ICAM1: variants seen among roughly 807,000 people sequenced by gnomAD.
ICAM1 encodes the protein intercellular adhesion molecule 1, also known as ICAM-1.
A neutral mutation model predicts 42.3 loss-of-function variants in ICAM1; 28 were observed. That is an observed-to-expected ratio of 0.66 (90% CI 0.49 to 0.91). The LOEUF (loss-of-function observed/expected upper bound fraction) is 0.91. Ranked by LOEUF, ICAM1 falls within the 40% of genes least tolerant of loss-of-function variation. The pLI is 0.00. For missense variants in ICAM1, 637 were observed against 688.6 expected (o/e 0.93, Z 0.84); for synonymous variants, 304 against 305.9 (o/e 0.99, Z 0.07).
chr19:10,274,608 C>T (rs913878133), intron 1 of ICAM1, among the ~76,000 whole-genome samples, 157 bp from the exon 2 acceptor site: 3 of 152,194 alleles, frequency 2.0e-5, no homozygotes, highest in Non-Finnish European at 2.9e-5. Flanking sequence ...AGCCACCACA[C>T]CCGGCCTGCT....
chr19:10,284,805 G>C lies in ICAM1; in HGVS notation c.1203G>C (p.Arg401Ser). ...CAGATGGCCCCCGACTGGACGAGAG[G>C]GATTGTCCGGGAAACTGGACGTGGC... ...RVLYGPRLDERDCPGNWTWPE... is the reference protein window; with the variant it reads ...RVLYGPRLDESDCPGNWTWPE... Residue 401 changes from arginine (R) to serine (S), a missense_variant, in exon 6 of 7, where the codon AGG becomes AGC. Coordinates refer to ENST00000264832, the MANE Select transcript of ICAM1 (RefSeq NM_000201.3). The surrounding 1 kb of genome is among the most constrained non-coding windows in gnomAD (Gnocchi z 5.4). The C allele has an allele frequency of 6.2e-7, 1 of 1,603,322 alleles. No homozygotes were observed. The highest frequency in any genetic ancestry group is 8.5e-7 in the Non-Finnish European group (1 of 1,177,232).
intron 2 of ICAM1, chr19:10,282,481 C>T (rs991351096): frequency 6.6e-6 from 1 of 152,022 alleles, no homozygotes; most frequent in East Asian, 1.9e-4. Context: ...CTCCTGACTT[C>T]GTGGATCCAC....
Position 10,274,678 on chromosome 19 carries a change from C to T in ICAM1, c.68-87C>T, listed in dbSNP as rs2040004275. ...AAAGTATTGTCTTGTTAAGGCTGTG[C>T]CTCCAGCACCCAGCACAGGCTGGGC... On this transcript the variant is annotated intron_variant, in intron 1 of 6. Coordinates refer to ENST00000264832, the MANE Select transcript of ICAM1 (RefSeq NM_000201.3). The T allele has an allele frequency of 1.9e-5, 28 of 1,442,282 alleles. No individual in the cohort carries two copies. In the South Asian group the frequency reaches 3.6e-4, roughly 19 times the overall value. 89.3% of individuals were successfully genotyped at this position (1,442,282 alleles called of 1,614,324 possible).
At chr19:10,275,318 G>A (rs111445644) in intron 2 of ICAM1, among the ~76,000 whole-genome samples, 1 of 152,136 alleles carries the variant, frequency 6.6e-6, no homozygotes, top group Non-Finnish European at 1.5e-5. Context: ...CCAACATGGC[G>A]AAACCCTGTC....
intron 2 of ICAM1, among the ~76,000 whole-genome samples, chr19:10,277,918 G>C (rs2040028968): frequency 6.6e-6 from 1 of 152,200 alleles, no homozygotes; most frequent in African/African-American, 2.4e-5. Context: ...CACTGGGCAG[G>C]CTAGGCACGT....
At chr19:10,278,838 G>A (rs947796145) in intron 2 of ICAM1, among the ~76,000 whole-genome samples, 7 of 151,802 alleles carry the variant, frequency 4.6e-5, no homozygotes, top group African/African-American at 1.7e-4. Context: ...CACCACGCGC[G>A]GCTCTGCCTG....
At chr19:10,275,794 G>A (rs1010416244) in intron 2 of ICAM1, among the ~76,000 whole-genome samples, 5 of 140,216 alleles carry the variant, frequency 3.6e-5, no homozygotes, top group East Asian at 2.2e-4. Context: ...TGCAAGCTCC[G>A]CCTCCCGGGT....
intron 2 of ICAM1, among the ~76,000 whole-genome samples, chr19:10,279,249 G>A (rs2040038547): frequency 6.6e-6 from 1 of 152,074 alleles, no homozygotes; most frequent in South Asian, 2.1e-4. Flanking sequence ...GGAGGAGGAG[G>A]TAGGTTGGTG....
At chr19:10,281,177 C>T (rs1469022913) in intron 2 of ICAM1, among the ~76,000 whole-genome samples, 2 of 152,008 alleles carry the variant, frequency 1.3e-5, no homozygotes, top group Non-Finnish European at 2.9e-5. Context: ...CTGGCCTGGC[C>T]AGGCTGGTCT....
rs377028532 is a variant in ICAM1 at position 10,283,565 on chromosome 19, G to A, written c.416G>A (p.Gly139Asp). 1.2e-6 allele frequency: 2 copies of A among 1,613,296 alleles called. No individual in the cohort carries two copies. Among genetic ancestry groups the A allele is most frequent in the African/African-American group, 2.7e-5 (2 of 74,928 alleles). The change falls in exon 3 of 7, where the codon GGT (glycine) becomes GAT (aspartate). Residue 139 changes from glycine to aspartate, a missense_variant. Gly to Asp is a moderately conservative substitution (Grantham distance 94). Transcript: ENST00000264832. The part of the protein sequence containing the change: ...KNLTLRCQVE[G>D]GAPRANLTVV... ...CTTACCCTACGCTGCCAGGTGGAGG[G>A]TGGGGCACCCCGGGCCAACCTCACC... is the stretch of plus-strand genomic sequence containing the variant.
intron 2 of ICAM1, 87 bp downstream of exon 2, chr19:10,275,115 T>C (rs2040007577): frequency 4.3e-6 from 6 of 1,394,912 alleles, no homozygotes; most frequent in Non-Finnish European, 5.9e-6. Context: ...GGGGAATCTT[T>C]GCCACTTGCT....
chr19:10,284,267 C>T lies in ICAM1; in HGVS notation c.872C>T (p.Ala291Val). 6.2e-7 allele frequency: 1 copy of T among 1,613,910 alleles called. No homozygotes were observed. The highest frequency in any genetic ancestry group is 2.2e-5 in the East Asian group (1 of 44,878). ...EDEGTQRLTC[A>V]VILGNQSQET... is the part of the protein sequence containing the mutation. ...GAGGGCACCCAGCGGCTGACGTGTG[C>T]AGTAATACTGGGGAACCAGAGCCAG... The change falls in exon 4 of 7, where the codon GCA becomes GTA. Residue 291 changes from alanine (A) to valine (V), a missense_variant. Physicochemically the swap from Ala to Val is moderately conservative, Grantham distance 64 (BLOSUM62 0). Transcript: ENST00000264832. This position sits in a 1 kb window ranked among gnomAD's most constrained non-coding sequence, Gnocchi z 5.4.
At chr19:10,283,181 G>A in intron 2 of ICAM1, 1 of 291,958 alleles carries the variant, frequency 3.4e-6, no homozygotes, top group Non-Finnish European at 6.4e-6. Flanking sequence ...GCCCAGTCTA[G>A]TGCACTGGGC....
chr19:10,282,701 TG>T (rs60733766), intron 2 of ICAM1, among the ~76,000 whole-genome samples: 24,781 of 149,720 alleles, frequency 0.17, 2,537 homozygotes, highest in Admixed American at 0.26. Context: ...TTTTTTTTTT[TG>T]TTTTGTTTTG....
At chr19:10,283,986 T>G (rs1390000915) in intron 3 of ICAM1, 47 bp from the exon 4 acceptor site, 1 of 1,577,640 alleles carries the variant, frequency 6.3e-7, no homozygotes. Context: ...AGAGAAGGGC[T>G]TCGGGACGTC....
At position 10,285,191 on chromosome 19, in the gene ICAM1, C is replaced by T; in HGVS notation, c.1503C>T (p.Tyr501=). 3.1e-6 allele frequency: 5 copies of T among 1,614,168 alleles called. No homozygotes were observed. Among genetic ancestry groups the T allele is most frequent in the South Asian group, 1.1e-5 (1 of 91,084 alleles). ...VIMGTAGLST[Y]LYNRQRKIKK... is the part of the protein sequence containing the mutation. ...TGGGCACTGCAGGCCTCAGCACGTA[C>T]CTCTATAACCGCCAGCGGAAGATCA... Residue 501 remains tyrosine (Y), a synonymous_variant, in exon 7 of 7, where the codon TAC becomes TAT. Transcript: ENST00000264832.
rs1019992710 is a variant in ICAM1 at position 10,275,456 on chromosome 19, A to T, written c.331+428A>T. Among the ~76,000 whole-genome samples the T allele has an allele frequency of 4.6e-5, 7 of 152,150 alleles. No homozygotes were observed. In the East Asian group the frequency reaches 1.4e-3, roughly 29 times the overall value. On this transcript the variant is annotated intron_variant, in intron 2 of 6. Transcript: ENST00000264832. ...GATTGCAGTGAGCCGCGATCGTGCC[A>T]GTGCACTCCAGTCTGGATAACAGAG... is the stretch of plus-strand genomic sequence containing the variant.
In ICAM1 at chr19:10,284,288, G is replaced by A. The variant is rs369906592; in HGVS notation, c.893G>A (p.Ser298Asn). Reference sequence around the variant, plus strand: ...TGTGCAGTAATACTGGGGAACCAGAGCCAGGAGACACTGCAGACAGTGACC... The same window carrying A: ...TGTGCAGTAATACTGGGGAACCAGAACCAGGAGACACTGCAGACAGTGACC... ...LTCAVILGNQ[S>N]QETLQTVTIY... The change falls in exon 4 of 7, where the codon AGC becomes AAC. Residue 298 changes from serine to asparagine, a missense_variant. Coordinates refer to ENST00000264832, the MANE Select transcript of ICAM1 (RefSeq NM_000201.3). This position sits in a 1 kb window ranked among gnomAD's most constrained non-coding sequence, Gnocchi z 5.4. 13 of 1,613,848 alleles carry A rather than the reference G, an allele frequency of 8.1e-6. No homozygotes were observed. The Middle Eastern group carries it at 8.2e-4, about 102-fold the overall frequency.
At chr19:10,278,866 A>G (rs1325444059) in intron 2 of ICAM1, among the ~76,000 whole-genome samples, 1 of 151,628 alleles carries the variant, frequency 6.6e-6, no homozygotes, top group Admixed American at 6.6e-5. Context: ...AGAGCATAGA[A>G]CTCCAGGTTT....
Sources: allele counts gnomAD v4.1 joint callset (sites outside exome capture counted in the v4.1 genomes callset), GRCh38; gene constraint gnomAD v4.1.1; non-coding constraint Gnocchi (gnomAD v3.1); transcripts MANE v1.5; gene names NCBI Gene and HGNC (gene_info 2026-07-23, HGNC 2026-07-21).